Variants in SLC18B1 observed in about 807,000 individuals in gnomAD.
The protein encoded by SLC18B1 is solute carrier family 18 member B1.
In SLC18B1, 62 loss-of-function variants were observed where a neutral mutation model predicts 53.9. That is an observed-to-expected ratio of 1.15 (90% CI 0.94 to 1.42). SLC18B1 has a LOEUF of 1.42. Among genes scored for constraint, SLC18B1 ranks in the 40% most tolerant of loss-of-function variants. The pLI is 0.00. For missense variants in SLC18B1, 598 were observed against 547.3 expected (o/e 1.09, Z -0.93); for synonymous variants, 217 against 200.9 (o/e 1.08, Z -0.68).
chr6:132,790,541 G>GTGT (rs1781495944), intron 2 of SLC18B1, among the ~76,000 whole-genome samples: 1 of 152,156 alleles, frequency 6.6e-6, no homozygotes, highest in East Asian at 1.9e-4. Flanking sequence ...CAGAATCAGA[G>GTGT]TGTATAAACA....
Position 132,790,062 on chromosome 6 carries a change from A to G in SLC18B1, c.279+115T>C, listed in dbSNP as rs1781483730. ...AGAACTGTCAACACTGGCACAATTT[A>G]TAAAACTATAACGATGGCTATTTCT... is the stretch of plus-strand genomic sequence containing the variant. On this transcript the variant is annotated intron_variant, in intron 3 of 13. Transcript: ENST00000275227. 6 of 836,674 alleles carry G rather than the reference A, an allele frequency of 7.2e-6. No homozygotes were observed. In the East Asian group the frequency reaches 1.6e-4, roughly 23 times the overall value. The allele number at this position is 836,674 out of a possible 1,614,324, so 51.8% of individuals were successfully genotyped here. A position where few individuals can be genotyped will look rare whatever the true frequency, so the allele number is the denominator to read the frequency against.
chr6:132,795,762 G>C (rs1781659202), intron 2 of SLC18B1, among the ~76,000 whole-genome samples: 2 of 152,098 alleles, frequency 1.3e-5, no homozygotes, highest in East Asian at 1.9e-4. Context: ...GACTTTCTAG[G>C]GATTATTATC....
rs754578461 is a variant in SLC18B1 at position 132,797,035 on chromosome 6, T to C, written c.130A>G (p.Asn44Asp). Residue 44 changes from asparagine to aspartate, a missense_variant, in exon 2 of 14, where the codon AAC (asparagine) becomes GAC (aspartate). Coordinates refer to ENST00000275227, the MANE Select transcript of SLC18B1 (RefSeq NM_052831.3). ...GAATAGCACATCATGGAACCTAAGT[T>C]CACCGAAGCTGCCGATATCAGTACA... ...VFVLISAASV[N>D]LGSMMCYSIL... 2 of 1,614,144 alleles carry C rather than the reference T, an allele frequency of 1.2e-6. No homozygotes were observed. Among genetic ancestry groups the C allele is most frequent in the Admixed American group, 3.3e-5 (2 of 60,006 alleles).
In SLC18B1 at chr6:132,770,950, A is replaced by G. The variant is rs371220085; in HGVS notation, c.1255-11T>C. On this transcript the variant is annotated splice_polypyrimidine_tract_variant and intron_variant, in intron 12 of 13. Coordinates refer to ENST00000275227, the MANE Select transcript of SLC18B1 (RefSeq NM_052831.3). ...GCCCATGGCTAATCCCTTAAACACA[A>G]TTAAAAGTACTGATTAATGTAAATT... 3 of 1,612,356 alleles carry G rather than the reference A, an allele frequency of 1.9e-6. No individual in the cohort carries two copies. Among genetic ancestry groups the G allele is most frequent in the Non-Finnish European group, 2.5e-6 (3 of 1,179,506 alleles).
rs749636224 is a variant in SLC18B1 at position 132,774,208 on chromosome 6, A to G, written c.989+14T>C. 1 of 1,580,262 alleles carries G rather than the reference A, an allele frequency of 6.3e-7. No individual in the cohort carries two copies. Among genetic ancestry groups the G allele is most frequent in the South Asian group, 1.2e-5 (1 of 83,586 alleles). On this transcript the variant is annotated intron_variant, in intron 9 of 13. Coordinates refer to ENST00000275227, the MANE Select transcript of SLC18B1 (RefSeq NM_052831.3). ...TGTTATTTGGCCAAACATACAGAAGAAGAAAAAAATTACCTTTTAATATGC... is the reference window on the plus strand; with the variant it reads ...TGTTATTTGGCCAAACATACAGAAGGAGAAAAAAATTACCTTTTAATATGC...
At chr6:132,795,270 G>A (rs1350982855) in intron 2 of SLC18B1, among the ~76,000 whole-genome samples, 1 of 151,836 alleles carries the variant, frequency 6.6e-6, no homozygotes, top group East Asian at 1.9e-4. Flanking sequence ...CTCCCAAAGG[G>A]CAGACAAGAG....
At chr6:132,797,899 A>C (rs977173101) in intron 1 of SLC18B1, among the ~76,000 whole-genome samples, 1 of 152,238 alleles carries the variant, frequency 6.6e-6, no homozygotes, top group African/African-American at 2.4e-5. Context: ...ATATCCAAGC[A>C]AATCCATCAG....
intron 6 of SLC18B1, among the ~76,000 whole-genome samples, chr6:132,780,550 T>TAAACCGTG (rs1365541584): frequency 6.6e-6 from 1 of 150,948 alleles, no homozygotes; most frequent in Non-Finnish European, 1.5e-5. Context: ...AGATAAAAGT[T>TAAACCGTG]AAACCGTGGT....
At chr6:132,788,828 GAA>G (rs1158922120) in intron 4 of SLC18B1, among the ~76,000 whole-genome samples, 1 of 70,288 alleles carries the variant, frequency 1.4e-5, no homozygotes, top group Admixed American at 1.7e-4. Flanking sequence ...ATCTCAAAAA[GAA>G]AAAAAAAAAA....
chr6:132,797,097 C>G lies in SLC18B1; in HGVS notation c.68G>C (p.Gly23Ala), dbSNP rs780805616. 5 of 1,613,660 alleles carry G rather than the reference C, an allele frequency of 3.1e-6. No individual in the cohort carries two copies. In the Admixed American group the frequency reaches 5.0e-5, roughly 16 times the overall value. The change falls in exon 2 of 14, where the codon GGA becomes GCA. Residue 23 changes from glycine (G) to alanine (A), a missense_variant. Gly to Ala is a moderately conservative substitution (Grantham distance 60). Coordinates refer to ENST00000275227, the MANE Select transcript of SLC18B1 (RefSeq NM_052831.3). ...PGGDDPAGSA[G>A]ETPGWLSREQ... is the part of the protein sequence containing the mutation. ...TCTCGAAAGCCACCCGGGGGTCTCT[C>G]CTGCACTTCCTGCAGGATCATCACC...
In SLC18B1 at chr6:132,774,323, GAGAA is replaced by G. The variant is rs552426610; in HGVS notation, c.898-14_898-11del. On this transcript the variant is annotated splice_polypyrimidine_tract_variant and intron_variant, in intron 8 of 13. Coordinates refer to ENST00000275227, the MANE Select transcript of SLC18B1 (RefSeq NM_052831.3). ...GCCATTTCCTTAGAGGCTGGTAAAGGAGAAAGAGAGTCAAAATGATTCTTAGAGG... is the reference window on the plus strand; with the variant it reads ...GCCATTTCCTTAGAGGCTGGTAAAGGAGAGAGTCAAAATGATTCTTAGAGG... 2,289 of 1,604,486 alleles carry G rather than the reference GAGAA, an allele frequency of 1.4e-3. 22 individuals carry two copies. Among genetic ancestry groups the G allele is most frequent in the Non-Finnish European group, 5.9e-4 (694 of 1,173,806 alleles).
rs371507856 is a variant in SLC18B1, at chr6:132,779,337, G to A, written c.726C>T (p.Phe242=). 2.9e-5 allele frequency: 46 copies of A among 1,613,764 alleles called. No homozygotes were observed. The highest frequency in any genetic ancestry group is 3.6e-5 in the Non-Finnish European group (42 of 1,179,934). The change falls in exon 7 of 14, where the codon TTC becomes TTT. Residue 242 remains phenylalanine (F), a synonymous_variant. Transcript: ENST00000275227. The part of the protein sequence containing the change: ...IALPKVGLIA[F]VINSLSSCFG... ...AACACGAGCTGAGTGAGTTGATGAC[G>A]AAGGCTATAAGGCCAACTTTGGGTA... is the stretch of plus-strand genomic sequence containing the variant.
chr6:132,775,041 T>C (rs1363752331), intron 8 of SLC18B1, among the ~76,000 whole-genome samples: 1 of 152,174 alleles, frequency 6.6e-6, no homozygotes, highest in African/African-American at 2.4e-5. Context: ...ATATGTTAAA[T>C]CTTAACACCC....
intron 6 of SLC18B1, among the ~76,000 whole-genome samples, chr6:132,783,539 A>C (rs1472777192): frequency 6.6e-6 from 1 of 152,198 alleles, no homozygotes; most frequent in East Asian, 1.9e-4. Context: ...CTTGTATCTG[A>C]GCTACGCTGT....
chr6:132,779,328 G>A lies in SLC18B1; in HGVS notation c.735C>T (p.Asn245=). The A allele has an allele frequency of 6.2e-7, 1 of 1,614,008 alleles. No individual in the cohort carries two copies. Among genetic ancestry groups the A allele is most frequent in the Non-Finnish European group, 8.5e-7 (1 of 1,179,982 alleles). ...PKVGLIAFVI[N]SLSSCFGFLD... ...GGAAGCCAAAACACGAGCTGAGTGA[G>A]TTGATGACGAAGGCTATAAGGCCAA... The change falls in exon 7 of 14, where the codon AAC becomes AAT. Residue 245 remains asparagine, a synonymous_variant. Coordinates refer to ENST00000275227, the MANE Select transcript of SLC18B1 (RefSeq NM_052831.3).
intron 3 of SLC18B1, 36 bp downstream of exon 3, chr6:132,790,141 T>A: frequency 7.0e-7 from 1 of 1,431,662 alleles, no homozygotes; most frequent in Non-Finnish European, 9.5e-7. Flanking sequence ...ATATAATTTT[T>A]AAAAATTAAG....
intron 2 of SLC18B1, among the ~76,000 whole-genome samples, chr6:132,795,676 A>T (rs911979660): frequency 6.6e-6 from 1 of 152,204 alleles, no homozygotes; most frequent in South Asian, 2.1e-4. Flanking sequence ...AATAAAACAC[A>T]TGGATATGTT....
At chr6:132,774,082 T>A (rs1031816260) in intron 9 of SLC18B1, 140 bp downstream of exon 9, 1 of 495,282 alleles carries the variant, frequency 2.0e-6, no homozygotes, top group Non-Finnish European at 3.5e-6. Context: ...ATTGTCAGCC[T>A]AACAATTCAA....
At chr6:132,780,556 G>A (rs914086455) in intron 6 of SLC18B1, among the ~76,000 whole-genome samples, 1 of 146,380 alleles carries the variant, frequency 6.8e-6, no homozygotes, top group African/African-American at 2.5e-5. Flanking sequence ...AAGTTAAACC[G>A]TGGTGTTAGT....
Sources: allele counts gnomAD v4.1 joint callset (sites outside exome capture counted in the v4.1 genomes callset), GRCh38; gene constraint gnomAD v4.1.1; transcripts MANE v1.5; gene names NCBI Gene and HGNC (gene_info 2026-07-23, HGNC 2026-07-21).